ZSCAN12: variants seen among roughly 807,000 people sequenced by gnomAD.
ZSCAN12 encodes zinc finger and SCAN domain containing 12, also known as zinc finger and SCAN domain-containing protein 12.
In ZSCAN12, 18 loss-of-function variants were observed where a neutral mutation model predicts 23.4. That is an observed-to-expected ratio of 0.77 (90% confidence interval 0.53 to 1.14). The LOEUF (loss-of-function observed/expected upper bound fraction) is 1.14, where lower values mean the gene tolerates loss of function less well. Ranked by LOEUF, ZSCAN12 falls within the 50% of genes most tolerant of loss-of-function variation. The probability of loss-of-function intolerance (pLI) is 0.00; values close to 1 mark genes in which losing one functional copy is unlikely to be tolerated. For synonymous variants in ZSCAN12, 186 were observed against 253.4 expected, an observed-to-expected ratio of 0.73 and a Z score of 2.53; for missense variants, 650 against 735.0, an observed-to-expected ratio of 0.88 and a Z score of 1.34.
At chr6:28,398,789 C>T (rs1408947168) in intron 1 of ZSCAN12, among the ~76,000 whole-genome samples, 2 of 149,656 alleles carry the variant, frequency 1.3e-5, no homozygotes, top group African/African-American at 4.9e-5. Flanking sequence ...AAAAATTAGC[C>T]GGGCGTGACG....
chr6:28,388,240 C>T lies in ZSCAN12; in HGVS notation c.*2214G>A, dbSNP rs770493657. The stretch of plus-strand genomic sequence containing the variant: ...CCAATGCTGGGGTTATGAAAAAAGC[C>T]TAACTAAGCAGTCCTCAACTTATGA... On this transcript the variant is annotated 3_prime_UTR_variant, in exon 4 of 4. Coordinates refer to ENST00000684592, the MANE Select transcript of ZSCAN12 (RefSeq NM_001163391.2). Among the ~76,000 whole-genome samples, 6 of 152,162 alleles carry T rather than the reference C, an allele frequency of 3.9e-5. No individual in the cohort carries two copies. Among genetic ancestry groups the T allele is most frequent in the Non-Finnish European group, 7.3e-5 (5 of 68,040 alleles).
intron 2 of ZSCAN12, 63 bp from the exon 3 acceptor site, chr6:28,393,109 T>C (rs1760938500): frequency 6.6e-7 from 1 of 1,514,668 alleles, no homozygotes; most frequent in Non-Finnish European, 8.9e-7. Context: ...AAGTATACTA[T>C]TTGTGGCAGT....
intron 2 of ZSCAN12, among the ~76,000 whole-genome samples, chr6:28,395,005 G>A (rs1467211623): frequency 6.6e-6 from 1 of 151,896 alleles, no homozygotes; most frequent in Non-Finnish European, 1.5e-5. Flanking sequence ...CAAGATCTTG[G>A]TTCACTGCAA....
rs1048139931 is a variant in ZSCAN12 at position 28,386,437 on chromosome 6, A to G, written c.*4017T>C. ...CATCCCACCCCGTTATTGTTATTTC[A>G]AAATCCACATACATAAAATGCTTCA... On this transcript the variant is annotated 3_prime_UTR_variant, in exon 4 of 4. Coordinates refer to ENST00000684592, the MANE Select transcript of ZSCAN12 (RefSeq NM_001163391.2). Among the ~76,000 whole-genome samples the G allele has an allele frequency of 6.6e-6, 1 of 152,184 alleles. No homozygotes were observed. Among genetic ancestry groups the G allele is most frequent in the African/African-American group, 2.4e-5 (1 of 41,440 alleles).
intron 3 of ZSCAN12, among the ~76,000 whole-genome samples, chr6:28,392,504 A>C (rs771114140): frequency 6.6e-6 from 1 of 151,994 alleles, no homozygotes; most frequent in Non-Finnish European, 1.5e-5. Flanking sequence ...TAAGTATACA[A>C]ATTTTTTTTT....
At position 28,389,324 on chromosome 6, in the gene ZSCAN12, G is replaced by GT. The variant is rs1561956470; in HGVS notation, c.*1129dup. ...ATGGAAAGACCACCTAAAAATCCTA[G>GT]TTTTTTGGCATGATGGGGGTCTAAT... On this transcript the variant is annotated 3_prime_UTR_variant, in exon 4 of 4. Coordinates refer to ENST00000684592, the MANE Select transcript of ZSCAN12 (RefSeq NM_001163391.2). Among the ~76,000 whole-genome samples, 1 of 152,134 alleles carries GT rather than the reference G, an allele frequency of 6.6e-6. No homozygotes were observed. The highest frequency in any genetic ancestry group is 1.5e-5 in the Non-Finnish European group (1 of 68,018).
Position 28,386,845 on chromosome 6 carries a change from T to C in ZSCAN12, c.*3609A>G, listed in dbSNP as rs1425270418. On this transcript the variant is annotated 3_prime_UTR_variant, in exon 4 of 4. Coordinates refer to ENST00000684592, the MANE Select transcript of ZSCAN12 (RefSeq NM_001163391.2). Reference sequence around the variant, plus strand: ...ATTTTTATTTTTATTTTAATTTTTGTTGAGATGGAGTCTTGCTCTGTCACC... The same window carrying C: ...ATTTTTATTTTTATTTTAATTTTTGCTGAGATGGAGTCTTGCTCTGTCACC... Among the ~76,000 whole-genome samples the C allele has an allele frequency of 2.0e-5, 3 of 152,222 alleles. No homozygotes were observed. Among genetic ancestry groups the C allele is most frequent in the Non-Finnish European group, 4.4e-5 (3 of 68,048 alleles).
At chr6:28,393,941 C>G (rs1187009991) in intron 2 of ZSCAN12, among the ~76,000 whole-genome samples, 3 of 152,098 alleles carry the variant, frequency 2.0e-5, no homozygotes, top group Admixed American at 2.0e-4. Flanking sequence ...AAATCATCTA[C>G]TCTTCATTTT....
intron 3 of ZSCAN12, 134 bp downstream of exon 3, chr6:28,392,768 T>C: frequency 1.1e-6 from 1 of 919,198 alleles, no homozygotes; most frequent in Non-Finnish European, 1.6e-6. Flanking sequence ...TCTGAGAGTC[T>C]ATATATGAGC....
rs1760781684 is a variant in ZSCAN12 at position 28,390,816 on chromosome 6, T to C, written c.1474A>G (p.Thr492Ala). 2.5e-6 allele frequency: 4 copies of C among 1,598,652 alleles called. No homozygotes were observed. Among genetic ancestry groups the C allele is most frequent in the Non-Finnish European group, 3.4e-6 (4 of 1,172,032 alleles). ...TCACATTTATAGGGTCTTTCTCCAGTGTGAATTCGCTGATGTTCTGTAAGA... is the reference window on the plus strand; with the variant it reads ...TCACATTTATAGGGTCTTTCTCCAGCGTGAATTCGCTGATGTTCTGTAAGA... ...TSLTEHQRIHTGERPYKCDKC... is the reference protein window; with the variant it reads ...TSLTEHQRIHAGERPYKCDKC... Residue 492 changes from threonine to alanine, a missense_variant, in exon 4 of 4, where the codon ACT (threonine) becomes GCT (alanine). Thr to Ala is a moderately conservative substitution (Grantham distance 58, BLOSUM62 0). Transcript: ENST00000684592.
rs1383805110 is a variant in ZSCAN12, at chr6:28,386,916, C to T, written c.*3538G>A. Reference sequence around the variant, plus strand: ...CATCTCAGCTCACTGCAACCTCCACCTCCCGGATTCAAGCGATTCTCCTGC... The same window carrying T: ...CATCTCAGCTCACTGCAACCTCCACTTCCCGGATTCAAGCGATTCTCCTGC... On this transcript the variant is annotated 3_prime_UTR_variant, in exon 4 of 4. Transcript: ENST00000684592. Among the ~76,000 whole-genome samples, 2 of 152,208 alleles carry T rather than the reference C, an allele frequency of 1.3e-5. No homozygotes were observed. The highest frequency in any genetic ancestry group is 4.8e-5 in the African/African-American group (2 of 41,446).
chr6:28,393,662 G>C (rs1760970602), intron 2 of ZSCAN12, among the ~76,000 whole-genome samples: 1 of 146,720 alleles, frequency 6.8e-6, no homozygotes, highest in Non-Finnish European at 1.5e-5. Flanking sequence ...GACTGCTTGA[G>C]CCCAGTTCAA....
At chr6:28,382,506 A>C (rs1445288385), downstream of ZSCAN12, 4 of 1,551,898 alleles carry the variant, frequency 2.6e-6, no homozygotes, top group African/African-American at 5.5e-5. Context: ...TCTCTCCTGA[A>C]ACAAGATTGC....
At chr6:28,397,540 C>T (rs1761176883) in intron 2 of ZSCAN12, among the ~76,000 whole-genome samples, 1 of 152,206 alleles carries the variant, frequency 6.6e-6, no homozygotes, top group African/African-American at 2.4e-5. Flanking sequence ...CCACCCTGCT[C>T]TCCTCACTAA....
At position 28,390,374 on chromosome 6, in the gene ZSCAN12, G is replaced by A. The variant is rs1760753146; in HGVS notation, c.*80C>T. ...AGGTTTCCTTATAACAATGGTGACT[G>A]AAGTTTTGCCCCAATAATTGTAAAG... On this transcript the variant is annotated 3_prime_UTR_variant, in exon 4 of 4. Transcript: ENST00000684592. 8.5e-7 allele frequency: 1 copy of A among 1,179,702 alleles called. No individual in the cohort carries two copies. Among genetic ancestry groups the A allele is most frequent in the Non-Finnish European group, 1.2e-6 (1 of 858,736 alleles). The allele number at this position is 1,179,702 out of a possible 1,614,324, so 73.1% of individuals were successfully genotyped here.
At chr6:28,382,074 A>G (rs369210512), downstream of ZSCAN12, 6 of 81,326 alleles carry the variant, frequency 7.4e-5, no homozygotes, top group African/African-American at 3.5e-4. Context: ...TAGTCAAGCT[A>G]TAAGTGATCC....
Position 28,385,336 on chromosome 6 carries a change from G to A in ZSCAN12, c.*5118C>T, listed in dbSNP as rs999108186. On this transcript the variant is annotated 3_prime_UTR_variant, in exon 4 of 4. Coordinates refer to ENST00000684592, the MANE Select transcript of ZSCAN12 (RefSeq NM_001163391.2). Reference sequence around the variant, plus strand: ...TCTCCTGTGACACCCTCACTGTGCAGGCAACAAGAAGTAGAGCTGTTTATG... The same window carrying A: ...TCTCCTGTGACACCCTCACTGTGCAAGCAACAAGAAGTAGAGCTGTTTATG... Among the ~76,000 whole-genome samples, 1 of 152,156 alleles carries A rather than the reference G, an allele frequency of 6.6e-6. No homozygotes were observed. The highest frequency in any genetic ancestry group is 2.4e-5 in the African/African-American group (1 of 41,428).
downstream of ZSCAN12, among the ~76,000 whole-genome samples, chr6:28,383,294 C>G (rs538337360): frequency 1.4e-3 from 214 of 152,310 alleles, no homozygotes; most frequent in African/African-American, 4.9e-3. Flanking sequence ...CTTAACTTCC[C>G]CTGGCAGCTC....
chr6:28,398,336 C>G lies in ZSCAN12; in HGVS notation c.70G>C (p.Glu24Gln), dbSNP rs1325467951. ...CAATCCTGTCTGGTGGTATATTTCT[C>G]TTCCTCTATCTTTACTTCCAAAGGT... Reference protein sequence around the residue: ...DEPLEVKIEEEKYTTRQDWDL... With the variant: ...DEPLEVKIEEQKYTTRQDWDL... The change falls in exon 2 of 4, where the codon GAG (glutamate) becomes CAG (glutamine). Residue 24 changes from glutamate (E) to glutamine (Q), a missense_variant. By Grantham distance (29) the Glu-to-Gln change is conservative. Transcript: ENST00000684592. 1 of 1,554,540 alleles carries G rather than the reference C, an allele frequency of 6.4e-7. No individual in the cohort carries two copies. Among genetic ancestry groups the G allele is most frequent in the Admixed American group, 2.0e-5 (1 of 51,136 alleles).
Sources: allele counts gnomAD v4.1 joint callset (sites outside exome capture counted in the v4.1 genomes callset), GRCh38; gene constraint gnomAD v4.1.1; transcripts MANE v1.5; gene names NCBI Gene and HGNC (gene_info 2026-07-23, HGNC 2026-07-21).